Variants in ANKRD31 observed in about 807,000 individuals in gnomAD.
ANKRD31 encodes ankyrin repeat domain-containing protein 31.
A neutral mutation model predicts 186.0 loss-of-function variants in ANKRD31; 147 were observed. The observed-to-expected ratio is 0.79, with a 90% CI of 0.69 to 0.91. ANKRD31 has a LOEUF of 0.91. Ranked by LOEUF, ANKRD31 falls within the 40% of genes least tolerant of loss-of-function variation. The pLI is 0.00. For synonymous variants in ANKRD31, 673 were observed against 736.4 expected, an observed-to-expected ratio of 0.91 and a Z score of 1.39; for missense variants, 1,986 against 2,148.8, an observed-to-expected ratio of 0.92 and a Z score of 1.50.
chr5:75,112,411 A>C, intron 20 of ANKRD31, 102 bp downstream of exon 20: 1 of 692,280 alleles, frequency 1.4e-6, no homozygotes, highest in Non-Finnish European at 2.3e-6. Flanking sequence ...AAAATAGAAC[A>C]CCACTTTTTC....
intron 3 of ANKRD31, among the ~76,000 whole-genome samples, chr5:75,215,867 T>C (rs1434652504): frequency 2.6e-5 from 4 of 152,046 alleles, no homozygotes; most frequent in Non-Finnish European, 4.4e-5. Flanking sequence ...TCTCAATTTC[T>C]TTATCTGATA....
intron 22 of ANKRD31, among the ~76,000 whole-genome samples, chr5:75,094,977 G>A (rs1746202900): frequency 6.6e-6 from 1 of 151,988 alleles, no homozygotes. Context: ...TGATGCATCA[G>A]GAAGATATAA....
intron 21 of ANKRD31, among the ~76,000 whole-genome samples, chr5:75,107,033 T>G (rs1239904377): frequency 6.6e-6 from 1 of 151,740 alleles, no homozygotes; most frequent in East Asian, 1.9e-4. Context: ...CATGTAACAT[T>G]TTTTTCACAA....
chr5:75,139,457 G>A (rs150575585), intron 15 of ANKRD31, among the ~76,000 whole-genome samples: 118 of 152,144 alleles, frequency 7.8e-4, no homozygotes, highest in Non-Finnish European at 1.3e-3. Context: ...ATTAACCAAA[G>A]ATTTTGTTTT....
At chr5:75,084,728 T>TCCC (rs1554067458) in intron 23 of ANKRD31, among the ~76,000 whole-genome samples, 2 of 152,232 alleles carry the variant, frequency 1.3e-5, no homozygotes, top group Non-Finnish European at 2.9e-5. Context: ...ATTCACTTAT[T>TCCC]CAACAACTAT....
chr5:75,186,598 T>C (rs1007594962), intron 10 of ANKRD31, among the ~76,000 whole-genome samples: 1 of 152,220 alleles, frequency 6.6e-6, no homozygotes, highest in African/African-American at 2.4e-5. Context: ...CAGAGGTTTT[T>C]GGCAAAAATT....
intron 3 of ANKRD31, among the ~76,000 whole-genome samples, chr5:75,212,811 A>G (rs1022782048): frequency 6.6e-6 from 1 of 152,198 alleles, no homozygotes; most frequent in Non-Finnish European, 1.5e-5. Flanking sequence ...GAGCTTTAGA[A>G]AAAGACTTCT....
At chr5:75,120,148 C>A (rs1748640922) in intron 17 of ANKRD31, among the ~76,000 whole-genome samples, 1 of 152,156 alleles carries the variant, frequency 6.6e-6, no homozygotes, top group Admixed American at 6.5e-5. Flanking sequence ...GTAATCCCAG[C>A]ACTTCGGGAG....
At chr5:75,128,122 C>A (rs1194245810) in intron 17 of ANKRD31, among the ~76,000 whole-genome samples, 1 of 152,006 alleles carries the variant, frequency 6.6e-6, no homozygotes, top group Non-Finnish European at 1.5e-5. Context: ...TCTTCCATTA[C>A]TGAACTGGCT....
chr5:75,079,390 T>C (rs559850403), intron 25 of ANKRD31, among the ~76,000 whole-genome samples: 2 of 152,306 alleles, frequency 1.3e-5, no homozygotes, highest in South Asian at 2.1e-4. Flanking sequence ...TAGAATTCTT[T>C]ATGATTTCTC....
intron 17 of ANKRD31, among the ~76,000 whole-genome samples, chr5:75,125,767 A>G (rs1317009794): frequency 6.6e-6 from 1 of 152,236 alleles, no homozygotes; most frequent in Non-Finnish European, 1.5e-5. Flanking sequence ...AAACAGCAAC[A>G]GGGTAACAAG....
intron 3 of ANKRD31, among the ~76,000 whole-genome samples, chr5:75,219,628 A>T (rs560436123): frequency 9.5e-6 from 1 of 105,352 alleles, no homozygotes; most frequent in Admixed American, 8.3e-5. Context: ...TCCTTCACAG[A>T]ACCAGAAAAA....
At chr5:75,105,997 T>C (rs1747302233) in intron 21 of ANKRD31, among the ~76,000 whole-genome samples, 1 of 152,166 alleles carries the variant, frequency 6.6e-6, no homozygotes, top group African/African-American at 2.4e-5. Context: ...TCAAACTTTT[T>C]GGTCTTGGGA....
intron 25 of ANKRD31, among the ~76,000 whole-genome samples, chr5:75,079,367 T>A (rs954138671): frequency 6.6e-6 from 1 of 152,172 alleles, no homozygotes; most frequent in Non-Finnish European, 1.5e-5. Flanking sequence ...AAATACTGAT[T>A]AACAAATTTA....
chr5:75,116,642 C>A lies in ANKRD31; in HGVS notation c.4079G>T (p.Cys1360Phe). 1 of 1,452,286 alleles carries A rather than the reference C, an allele frequency of 6.9e-7. No homozygotes were observed. The highest frequency in any genetic ancestry group is 9.1e-7 in the Non-Finnish European group (1 of 1,095,524). The allele number at this position is 1,452,286 out of a possible 1,614,324, so 90.0% of individuals were successfully genotyped here. Residue 1360 changes from cysteine (C) to phenylalanine (F), a missense_variant, in exon 19 of 26, where the codon TGT (cysteine) becomes TTT (phenylalanine). Cys to Phe is a radical substitution (Grantham distance 205). Coordinates refer to ENST00000506364, the MANE Select transcript of ANKRD31 (RefSeq NM_001372053.1). ...PAVRSKRHKQ[C>F]FCDDGKTIDS... ...AATAGTTTTGCCATCATCACAAAAA[C>A]ACTGTTTATGTCTTTTAGACCGGAC...
rs550319786 is a variant in ANKRD31 at position 75,188,734 on chromosome 5, C to T, written c.1409-86G>A. 1.3e-4 allele frequency: 149 copies of T among 1,171,648 alleles called. 3 individuals carry two copies. The South Asian group carries it at 2.2e-3, about 18-fold the overall frequency. The allele number at this position is 1,171,648 out of a possible 1,614,324, so 72.6% of individuals were successfully genotyped here. ...ATTACAAACCACATATTTCAAACTA[C>T]AAACTTCACGAACATAGGTAACAGG... On this transcript the variant is annotated intron_variant, in intron 9 of 25. Coordinates refer to ENST00000506364, the MANE Select transcript of ANKRD31 (RefSeq NM_001372053.1).
chr5:75,179,264 T>C (rs906728312), intron 10 of ANKRD31, among the ~76,000 whole-genome samples: 5 of 151,898 alleles, frequency 3.3e-5, no homozygotes, highest in African/African-American at 1.2e-4. Context: ...CCAAAAAAAG[T>C]CCAGGACCAG....
At position 75,236,838 on chromosome 5, in the gene ANKRD31, G is replaced by A. The variant is rs1758302267; in HGVS notation, c.-152C>T. 3.2e-6 allele frequency: 2 copies of A among 620,630 alleles called. No individual in the cohort carries two copies. The highest frequency in any genetic ancestry group is 3.5e-5 in the East Asian group (1 of 28,488). 38.4% of individuals were successfully genotyped at this position (620,630 alleles called of 1,614,324 possible). On this transcript the variant is annotated 5_prime_UTR_variant, in exon 1 of 26. Transcript: ENST00000506364. ...CCGGGACTTGTCGCAGGGCTGCTGA[G>A]GAGGACGCAGGCGGCCGCGAGCGCG...
chr5:75,212,343 T>G (rs973853799), intron 3 of ANKRD31, among the ~76,000 whole-genome samples: 2 of 152,140 alleles, frequency 1.3e-5, no homozygotes, highest in African/African-American at 4.8e-5. Flanking sequence ...CAGGGCACAG[T>G]GGGTCACACC....
Sources: allele counts gnomAD v4.1 joint callset (sites outside exome capture counted in the v4.1 genomes callset), GRCh38; gene constraint gnomAD v4.1.1; transcripts MANE v1.5; gene names NCBI Gene and HGNC (gene_info 2026-07-23, HGNC 2026-07-21).